The following RORA variants were observed in gnomAD, a reference collection of about 807,000 sequenced individuals.
The protein encoded by RORA is RAR related orphan receptor A, also known as nuclear receptor ROR-alpha.
In RORA, 7 loss-of-function variants were observed where a neutral mutation model predicts 69.5. That is an observed-to-expected ratio of 0.10 (90% confidence interval 0.06 to 0.19). RORA has a LOEUF of 0.19. Ranked by LOEUF, RORA falls within the 10% of genes least tolerant of loss-of-function variation. The probability of loss-of-function intolerance (pLI) is 1.00; values close to 1 mark genes in which losing one functional copy is unlikely to be tolerated. For missense variants in RORA, 457 were observed against 663.0 expected (o/e 0.69, Z 3.41); for synonymous variants, 261 against 240.8 (o/e 1.08, Z -0.78).
intron 1 of RORA, among the ~76,000 whole-genome samples, chr15:61,199,655 G>A (rs1347933136): frequency 6.6e-6 from 1 of 152,102 alleles, no homozygotes; most frequent in Non-Finnish European, 1.5e-5. Context: ...GATAGAAGGT[G>A]AAAATATATT....
intron 1 of RORA, among the ~76,000 whole-genome samples, chr15:61,106,696 C>CAA (rs2078952355): frequency 6.6e-6 from 1 of 152,240 alleles, no homozygotes. Context: ...CTGTCAAATA[C>CAA]AGTCATCTCT....
chr15:60,743,242 T>C lies in RORA; in HGVS notation c.167-64556A>G, dbSNP rs989561221. ...GTTGACCAGGCTGGTCTTGAACTCC[T>C]TACCTCAAGTGATCCGACCGCCTCG... On this transcript the variant is annotated intron_variant, in intron 1 of 10. Transcript: ENST00000335670. 9.2e-5 allele frequency among the ~76,000 whole-genome samples: 14 copies of C among 152,170 alleles called. No individual in the cohort carries two copies. In the East Asian group the frequency reaches 2.5e-3, roughly 27 times the overall value.
At chr15:61,096,730 G>T (rs968627401) in intron 1 of RORA, among the ~76,000 whole-genome samples, 1 of 152,152 alleles carries the variant, frequency 6.6e-6, no homozygotes, top group Non-Finnish European at 1.5e-5. Flanking sequence ...GCCTAGGGAA[G>T]GCAGCTCAGA....
chr15:60,814,211 T>C (rs944461754), intron 1 of RORA, among the ~76,000 whole-genome samples: 1 of 152,174 alleles, frequency 6.6e-6, no homozygotes, highest in Non-Finnish European at 1.5e-5. Context: ...TTTCTCTTAG[T>C]TCTCAGACCA....
chr15:60,986,865 G>A (rs1044365689), intron 1 of RORA, among the ~76,000 whole-genome samples: 1 of 152,096 alleles, frequency 6.6e-6, no homozygotes, highest in Non-Finnish European at 1.5e-5. Flanking sequence ...TCAGTTTAGG[G>A]GGAGACAGAA....
intron 2 of RORA, among the ~76,000 whole-genome samples, chr15:60,610,224 T>A (rs1350364034): frequency 9.5e-6 from 1 of 104,920 alleles, no homozygotes; most frequent in East Asian, 3.8e-4. Context: ...ACACACACAC[T>A]ACACACACAC....
chr15:60,595,490 G>C (rs2068645961), intron 2 of RORA, among the ~76,000 whole-genome samples: 1 of 151,754 alleles, frequency 6.6e-6, no homozygotes, highest in Non-Finnish European at 1.5e-5. Flanking sequence ...ACTCCAGCCT[G>C]GGCGACAGAG....
chr15:60,778,212 C>T (rs958749832), intron 1 of RORA, among the ~76,000 whole-genome samples: 1 of 120,344 alleles, frequency 8.3e-6, no homozygotes, highest in African/African-American at 3.8e-5. Context: ...CAGCTGGGCT[C>T]AGGTTTTTGT....
intron 2 of RORA, among the ~76,000 whole-genome samples, chr15:60,560,719 CTG>C (rs1385469335): frequency 2.6e-5 from 4 of 152,186 alleles, no homozygotes; most frequent in Non-Finnish European, 5.9e-5. Context: ...AAGTATATAA[CTG>C]TATTCAAATG....
At position 61,133,568 on chromosome 15, in the gene RORA, C is replaced by T. The variant is rs551035193; in HGVS notation, c.166+95485G>A. On this transcript the variant is annotated intron_variant, in intron 1 of 10. Coordinates refer to ENST00000335670, the MANE Select transcript of RORA (RefSeq NM_134261.3). ...CGCTGACTCTAATGTCAGGCAAGCC[C>T]AGGGGAAAGGGTGAGTCACAAGTCG... Among the ~76,000 whole-genome samples the T allele has an allele frequency of 3.9e-5, 6 of 152,204 alleles. No homozygotes were observed. The East Asian group carries it at 5.8e-4, about 15-fold the overall frequency.
intron 1 of RORA, among the ~76,000 whole-genome samples, chr15:61,193,466 A>G (rs1032645657): frequency 1.3e-5 from 2 of 152,162 alleles, no homozygotes; most frequent in South Asian, 4.1e-4. Flanking sequence ...CTTGCTGTAG[A>G]GGAACTGCCT....
chr15:61,104,630 ACT>A (rs927381370), intron 1 of RORA, among the ~76,000 whole-genome samples: 3 of 151,692 alleles, frequency 2.0e-5, no homozygotes, highest in Admixed American at 6.6e-5. Flanking sequence ...GTTTTAGCCC[ACT>A]CTCCCCCACT....
intron 2 of RORA, among the ~76,000 whole-genome samples, chr15:60,609,383 A>C (rs543776590): frequency 2.8e-4 from 43 of 152,308 alleles, no homozygotes; most frequent in African/African-American, 9.6e-4. Context: ...TTTTAGAGGA[A>C]ACAAAAATGT....
chr15:60,824,191 G>A (rs562563449), intron 1 of RORA, among the ~76,000 whole-genome samples: 27 of 152,280 alleles, frequency 1.8e-4, no homozygotes, highest in African/African-American at 6.3e-4. Context: ...ATAATCAGGA[G>A]GATCTTTGTG....
Position 60,490,894 on chromosome 15 carries a change from A to G in RORA, c.*6561T>C, listed in dbSNP as rs985864668. Reference sequence around the variant, plus strand: ...GTCTGGGGTTTGTCATATGTTAAATATTATTTAAAGTGGGAAAATATGTTG... The same window carrying G: ...GTCTGGGGTTTGTCATATGTTAAATGTTATTTAAAGTGGGAAAATATGTTG... On this transcript the variant is annotated 3_prime_UTR_variant, in exon 11 of 11. Transcript: ENST00000335670. This position sits in a 1 kb window ranked among gnomAD's most constrained non-coding sequence, Gnocchi z 4.1. 1 of 152,188 alleles carries G rather than the reference A, an allele frequency of 6.6e-6. No homozygotes were observed. The highest frequency in any genetic ancestry group is 2.4e-5 in the African/African-American group (1 of 41,442). The allele number at this position is 152,188 out of a possible 1,614,324, so 9.4% of individuals were successfully genotyped here. A position where few individuals can be genotyped will look rare whatever the true frequency, so the allele number is the denominator to read the frequency against.
intron 1 of RORA, among the ~76,000 whole-genome samples, chr15:60,713,645 C>A (rs1429694166): frequency 6.6e-6 from 1 of 152,158 alleles, no homozygotes; most frequent in Non-Finnish European, 1.5e-5. Context: ...GATGTAATAT[C>A]CTCAGACTGT....
intron 1 of RORA, among the ~76,000 whole-genome samples, chr15:60,961,873 A>G (rs11857402): frequency 0.028 from 4,243 of 152,250 alleles, 182 homozygotes; most frequent in African/African-American, 0.098. Flanking sequence ...TGAAAACAGT[A>G]ACTGACACAG....
At chr15:60,591,312 G>T (rs1046504961) in intron 2 of RORA, among the ~76,000 whole-genome samples, 1 of 152,078 alleles carries the variant, frequency 6.6e-6, no homozygotes, top group Admixed American at 6.5e-5. Context: ...GGCGGCGGGC[G>T]GCGTGCTGCG....
intron 1 of RORA, among the ~76,000 whole-genome samples, chr15:61,103,407 T>C (rs1036580924): frequency 3.3e-5 from 5 of 152,228 alleles, no homozygotes; most frequent in African/African-American, 1.2e-4. Context: ...CTCAGTGTAA[T>C]GACTTCCACT....
Sources: gnomAD v4.1 joint callset for allele counts (sites outside exome capture counted in the v4.1 genomes callset) on GRCh38, gnomAD v4.1.1 for gene constraint, Gnocchi (gnomAD v3.1) non-coding constraint, MANE v1.5 for transcripts, NCBI Gene and HGNC (gene_info 2026-07-23, HGNC 2026-07-21) for gene names.